Variants in FZD3 observed in about 807,000 individuals in gnomAD.
FZD3 encodes frizzled-3.
FZD3 carries 30 observed loss-of-function variants against 60.7 expected under a neutral mutation model. The observed-to-expected ratio is 0.49, with a 90% CI of 0.37 to 0.67. The LOEUF (loss-of-function observed/expected upper bound fraction) is 0.67. FZD3 is among the 30% of genes least tolerant of loss of function. The pLI, the probability that FZD3 is intolerant of heterozygous loss-of-function variation, is 0.00. For missense variants in FZD3, 605 were observed against 838.7 expected (o/e 0.72, Z 3.44); for synonymous variants, 246 against 275.2 (o/e 0.89, Z 1.05).
At chr8:28,503,243 C>CT in intron 3 of FZD3, 41 bp downstream of exon 3, 1 of 1,295,290 alleles carries the variant, frequency 7.7e-7, no homozygotes, top group Non-Finnish European at 1.1e-6. Context: ...TAGTAAATGA[C>CT]TCTTGTGTTG....
intron 3 of FZD3, among the ~76,000 whole-genome samples, chr8:28,504,459 A>G (rs1021324518): frequency 6.6e-6 from 1 of 152,236 alleles, no homozygotes; most frequent in Non-Finnish European, 1.5e-5. Context: ...TATTTCTGGT[A>G]TCATTTTAAA....
intron 5 of FZD3, among the ~76,000 whole-genome samples, chr8:28,543,810 T>C (rs1009162209): frequency 6.6e-6 from 1 of 152,230 alleles, no homozygotes; most frequent in Non-Finnish European, 1.5e-5. Flanking sequence ...AAATAACTTT[T>C]GTAGCAAAAC....
chr8:28,530,941 T>G (rs1207656704), intron 5 of FZD3, among the ~76,000 whole-genome samples: 1 of 152,172 alleles, frequency 6.6e-6, no homozygotes, highest in Non-Finnish European at 1.5e-5. Context: ...TTCCTTTTAC[T>G]AATATAAAGG....
At chr8:28,562,365 CAG>C (rs1269631221) in intron 7 of FZD3, among the ~76,000 whole-genome samples, 1 of 152,000 alleles carries the variant, frequency 6.6e-6, no homozygotes, top group Non-Finnish European at 1.5e-5. Context: ...CTCTTCCAGT[CAG>C]AGTCTTAATA....
At position 28,568,231 on chromosome 8, in the gene FZD3, A is replaced by G. The variant is rs1433385630; in HGVS notation, c.*5220A>G. The G allele has an allele frequency of 1.3e-5, 2 of 152,166 alleles. No individual in the cohort carries two copies. Among genetic ancestry groups the G allele is most frequent in the Non-Finnish European group, 1.5e-5 (1 of 68,010 alleles). The allele number at this position is 152,166 out of a possible 1,614,324, so 9.4% of individuals were successfully genotyped here. ...TCGTTTTACAGCTGATTAAGAAAAA[A>G]TGTTTACATTTAATTCAGCTGTATT... On this transcript the variant is annotated 3_prime_UTR_variant, in exon 8 of 8. Transcript: ENST00000240093.
chr8:28,528,008 G>A lies in FZD3; in HGVS notation c.1248G>A (p.Lys416=). Residue 416 remains lysine, a synonymous_variant, in exon 5 of 8, where the codon AAG becomes AAA. Coordinates refer to ENST00000240093, the MANE Select transcript of FZD3 (RefSeq NM_017412.4). ...LEKENQDKLV[K]FMIRIGVFSI... is the part of the protein sequence containing the mutation. ...AGGAGAACCAAGATAAATTAGTGAAGTTTATGATCCGGATCGGTGTTTTCA... is the reference window on the plus strand; with the variant it reads ...AGGAGAACCAAGATAAATTAGTGAAATTTATGATCCGGATCGGTGTTTTCA... 6.2e-7 allele frequency: 1 copy of A among 1,613,972 alleles called. No individual in the cohort carries two copies. Among genetic ancestry groups the A allele is most frequent in the Non-Finnish European group, 8.5e-7 (1 of 1,179,902 alleles).
At chr8:28,548,146 C>T (rs1457156069) in intron 5 of FZD3, among the ~76,000 whole-genome samples, 1 of 152,128 alleles carries the variant, frequency 6.6e-6, no homozygotes, top group East Asian at 1.9e-4. Flanking sequence ...AGCCACCGTG[C>T]CCAGCTCACT....
At chr8:28,535,447 C>G (rs1197087994) in intron 5 of FZD3, among the ~76,000 whole-genome samples, 2 of 152,100 alleles carry the variant, frequency 1.3e-5, no homozygotes, top group South Asian at 2.1e-4. Context: ...TAGTTTTTAT[C>G]TAATGTCCTA....
chr8:28,542,531 G>A (rs917159569), intron 5 of FZD3, among the ~76,000 whole-genome samples: 14 of 152,174 alleles, frequency 9.2e-5, no homozygotes, highest in African/African-American at 2.4e-4. Context: ...CCAGCTACTC[G>A]GGAGGCTGAT....
chr8:28,494,542 T>C (rs924933698), intron 1 of FZD3, among the ~76,000 whole-genome samples, 199 bp downstream of exon 1: 2 of 151,940 alleles, frequency 1.3e-5, no homozygotes, highest in African/African-American at 4.8e-5. Flanking sequence ...GGCGCCGGAC[T>C]GTGGCGGGCT....
At chr8:28,540,411 G>C (rs1397918420) in intron 5 of FZD3, among the ~76,000 whole-genome samples, 1 of 152,164 alleles carries the variant, frequency 6.6e-6, no homozygotes, top group East Asian at 1.9e-4. Flanking sequence ...TGTATTTTTA[G>C]AGACAGGGTT....
intron 3 of FZD3, among the ~76,000 whole-genome samples, chr8:28,514,472 TC>T (rs1804371766): frequency 6.6e-6 from 1 of 152,204 alleles, no homozygotes; most frequent in South Asian, 2.1e-4. Flanking sequence ...TGTGAAACCA[TC>T]ACCACAGTCA....
intron 4 of FZD3, among the ~76,000 whole-genome samples, chr8:28,522,256 A>G (rs1263458044): frequency 2.6e-5 from 4 of 151,804 alleles, no homozygotes; most frequent in South Asian, 2.1e-4. Context: ...TCTTACAAAC[A>G]TTATAACAAA....
intron 6 of FZD3, among the ~76,000 whole-genome samples, chr8:28,552,083 C>T (rs1181442948): frequency 6.6e-6 from 1 of 152,096 alleles, no homozygotes; most frequent in African/African-American, 2.4e-5. Flanking sequence ...TCTGATCTTC[C>T]TGATATTCCT....
At chr8:28,541,064 T>C (rs889864154) in intron 5 of FZD3, among the ~76,000 whole-genome samples, 2 of 152,272 alleles carry the variant, frequency 1.3e-5, no homozygotes, top group African/African-American at 2.4e-5. Context: ...AGCTAGTATA[T>C]GGCCTGTTTT....
At chr8:28,529,614 G>A (rs1804809604) in intron 5 of FZD3, among the ~76,000 whole-genome samples, 1 of 152,068 alleles carries the variant, frequency 6.6e-6, no homozygotes. Flanking sequence ...AATAAATGCT[G>A]ATACATTTTT....
intron 3 of FZD3, among the ~76,000 whole-genome samples, chr8:28,510,978 A>C (rs564691248): frequency 6.6e-6 from 1 of 152,142 alleles, no homozygotes; most frequent in Non-Finnish European, 1.5e-5. Flanking sequence ...CAGAGGTTGC[A>C]GTGAGCCGAG....
At chr8:28,520,905 T>C (rs1804561502) in intron 4 of FZD3, 71 bp downstream of exon 4, 1 of 1,113,364 alleles carries the variant, frequency 9.0e-7, no homozygotes, top group African/African-American at 1.6e-5. Context: ...TGTCTTCTTT[T>C]CCATCTGTTT....
chr8:28,520,605 TTAAC>T (rs774410983), intron 3 of FZD3, 29 bp from the exon 4 acceptor site: 37 of 1,312,302 alleles, frequency 2.8e-5, no homozygotes, highest in Middle Eastern at 3.8e-4. Flanking sequence ...ATACAGCTCT[TTAAC>T]TAATTATTCA....
Sources: allele counts gnomAD v4.1 joint callset (sites outside exome capture counted in the v4.1 genomes callset), GRCh38; gene constraint gnomAD v4.1.1; transcripts MANE v1.5; gene names NCBI Gene and HGNC (gene_info 2026-07-23, HGNC 2026-07-21).